Variants in CAPN9 observed in about 807,000 individuals in gnomAD.
The protein encoded by CAPN9 is calpain 9, also known as calpain-9.
A neutral mutation model predicts 92.8 loss-of-function variants in CAPN9; 81 were observed. The ratio of observed to expected loss-of-function variants is 0.87; its 90% confidence interval spans 0.73 to 1.05. CAPN9 has a LOEUF of 1.05. CAPN9 is among the 50% of genes least tolerant of loss of function. The pLI, the probability that CAPN9 is intolerant of heterozygous loss-of-function variation, is 0.00. For synonymous variants in CAPN9, 304 were observed against 328.0 expected (o/e 0.93, Z 0.79); for missense variants, 848 against 866.2 (o/e 0.98, Z 0.26).
intron 8 of CAPN9, chr1:230,776,674 T>G (rs949992019): frequency 2.0e-5 from 3 of 152,252 alleles, no homozygotes; most frequent in Non-Finnish European, 2.9e-5. Flanking sequence ...TGGGTGGCTC[T>G]GTTCATACAG....
intron 15 of CAPN9, 42 bp from the exon 16 acceptor site, chr1:230,792,384 G>C: frequency 6.3e-7 from 1 of 1,578,102 alleles, no homozygotes; most frequent in Non-Finnish European, 8.7e-7. Flanking sequence ...GGAGCCTCAG[G>C]TTGAAACACT....
At chr1:230,796,362 AT>A (rs1267657727) in intron 18 of CAPN9, among the ~76,000 whole-genome samples, 1 of 148,016 alleles carries the variant, frequency 6.8e-6, no homozygotes, top group African/African-American at 2.5e-5. Context: ...AAATAAATAA[AT>A]AAATAAATAA....
At chr1:230,763,984 CTG>C (rs1665807095) in intron 4 of CAPN9, among the ~76,000 whole-genome samples, 1 of 152,196 alleles carries the variant, frequency 6.6e-6, no homozygotes, top group African/African-American at 2.4e-5. Context: ...GCAACAGAAA[CTG>C]TGTGCCATCT....
chr1:230,796,161 T>G (rs28359732), intron 18 of CAPN9, among the ~76,000 whole-genome samples: 27,419 of 151,212 alleles, frequency 0.18, 2,688 homozygotes, highest in Non-Finnish European at 0.23. Context: ...TTGTCTCTAC[T>G]AAAAATACAA....
intron 11 of CAPN9, among the ~76,000 whole-genome samples, chr1:230,785,241 C>A (rs1399781653): frequency 1.3e-5 from 2 of 152,120 alleles, no homozygotes; most frequent in East Asian, 3.9e-4. Flanking sequence ...TCAGATGAGA[C>A]TTTGGACTTT....
At chr1:230,768,772 A>G (rs76133938) in intron 5 of CAPN9, among the ~76,000 whole-genome samples, 1 of 151,800 alleles carries the variant, frequency 6.6e-6, no homozygotes, top group East Asian at 1.9e-4. Flanking sequence ...TTTTTTGCTA[A>G]TGAATTAGCC....
chr1:230,769,295 G>A (rs1666226122), intron 6 of CAPN9, 32 bp downstream of exon 6: 2 of 1,452,696 alleles, frequency 1.4e-6, no homozygotes, highest in South Asian at 2.3e-5. Context: ...TGCAGGCTAT[G>A]GGGAGACATG....
In CAPN9 at chr1:230,792,464, A is replaced by G. The variant is rs765673325; in HGVS notation, c.1761A>G (p.Lys587=). The change falls in exon 16 of 20, where the codon AAA becomes AAG. Residue 587 remains lysine, a synonymous_variant. Coordinates refer to ENST00000271971, the MANE Select transcript of CAPN9 (RefSeq NM_006615.3). Reference sequence around the variant, plus strand: ...GGAAGCTGGAGTTTGATGAATTCAAAGTGTTCTGGGACAAGCTGAAGCAGT... The same window carrying G: ...GGAAGCTGGAGTTTGATGAATTCAAGGTGTTCTGGGACAAGCTGAAGCAGT... ...GNGKLEFDEF[K]VFWDKLKQWI... 1 of 1,613,992 alleles carries G rather than the reference A, an allele frequency of 6.2e-7. No individual in the cohort carries two copies. The highest frequency in any genetic ancestry group is 8.5e-7 in the Non-Finnish European group (1 of 1,179,970).
At chr1:230,775,632 C>T (rs1052941118) in intron 8 of CAPN9, among the ~76,000 whole-genome samples, 1 of 151,996 alleles carries the variant, frequency 6.6e-6, no homozygotes, top group Non-Finnish European at 1.5e-5. Context: ...TTTTAAAATA[C>T]AACAGCAGGG....
In CAPN9 at chr1:230,801,754, A is replaced by T; in HGVS notation, c.*158A>T. 1 of 703,064 alleles carries T rather than the reference A, an allele frequency of 1.4e-6. No individual in the cohort carries two copies. The allele number at this position is 703,064 out of a possible 1,614,324, so 43.6% of individuals were successfully genotyped here. A position where few individuals can be genotyped will look rare whatever the true frequency, so the allele number is the denominator to read the frequency against. ...TCTTGATCTGGGAAGAATGAAATGA[A>T]CTCAGCTACACTCTCTGATTTTGTG... On this transcript the variant is annotated 3_prime_UTR_variant, in exon 20 of 20. Coordinates refer to ENST00000271971, the MANE Select transcript of CAPN9 (RefSeq NM_006615.3).
intron 1 of CAPN9, 110 bp from the exon 2 acceptor site, chr1:230,755,227 G>A (rs769567168): frequency 2.4e-6 from 2 of 823,276 alleles, no homozygotes; most frequent in Non-Finnish European, 4.0e-6. Context: ...AAAGAATCAA[G>A]CACAGGGAAA....
intron 1 of CAPN9, among the ~76,000 whole-genome samples, chr1:230,751,611 G>C (rs201492172): frequency 1.8e-4 from 4 of 21,922 alleles, no homozygotes; most frequent in African/African-American, 7.8e-4. Flanking sequence ...GAAAGAAAGA[G>C]AAAGAAAGAA....
chr1:230,794,807 C>T (rs1668238772), intron 17 of CAPN9, among the ~76,000 whole-genome samples: 3 of 152,182 alleles, frequency 2.0e-5, no homozygotes, highest in African/African-American at 7.2e-5. Flanking sequence ...TCAGACACCA[C>T]CCAGTGTTAA....
At chr1:230,759,173 G>A (rs4333856) in intron 2 of CAPN9, among the ~76,000 whole-genome samples, 66,811 of 152,048 alleles carry the variant, frequency 0.44, 15,583 homozygotes, top group African/African-American at 0.62. Context: ...CGCCCAGCCC[G>A]TGCTGACACT....
At chr1:230,750,199 G>T (rs1006849965) in intron 1 of CAPN9, among the ~76,000 whole-genome samples, 4 of 152,140 alleles carry the variant, frequency 2.6e-5, no homozygotes, top group Admixed American at 2.0e-4. Flanking sequence ...CCCCTGCCAA[G>T]ATGCACCCCG....
Position 230,801,942 on chromosome 1 carries a change from C to G in CAPN9, c.*346C>G. The G allele has an allele frequency of 3.1e-6, 1 of 326,986 alleles. No homozygotes were observed. The highest frequency in any genetic ancestry group is 5.7e-6 in the Non-Finnish European group (1 of 176,508). 20.3% of individuals were successfully genotyped at this position (326,986 alleles called of 1,614,324 possible). ...GCACAGAATCCTGACTTCCATGTAG[C>G]TCCAGTCATTGTGATCAGACATCCT... On this transcript the variant is annotated 3_prime_UTR_variant, in exon 20 of 20. Transcript: ENST00000271971.
At chr1:230,772,458 CGTGTGTGTTTGTGT>C (rs1162550122) in intron 7 of CAPN9, among the ~76,000 whole-genome samples, 1 of 150,760 alleles carries the variant, frequency 6.6e-6, no homozygotes, top group African/African-American at 2.5e-5. Context: ...TGCATAAGTG[CGTGTGTGTTTGTGT>C]GTGTGTGTGT....
Position 230,780,626 on chromosome 1 carries a change from A to G in CAPN9, c.1399A>G (p.Ile467Val). The change falls in exon 11 of 20, where the codon ATC (isoleucine) becomes GTC (valine). Residue 467 changes from isoleucine to valine, a missense_variant. Physicochemically the swap from Ile to Val is conservative, Grantham distance 29. Coordinates refer to ENST00000271971, the MANE Select transcript of CAPN9 (RefSeq NM_006615.3). ...DRFKLPPGEY[I>V]LIPSTFEPHQ... Reference sequence around the variant, plus strand: ...GTTCAAGCTGCCCCCTGGGGAGTACATCCTGATTCCCAGCACTTTTGAGCC... The same window carrying G: ...GTTCAAGCTGCCCCCTGGGGAGTACGTCCTGATTCCCAGCACTTTTGAGCC... 6.2e-7 allele frequency: 1 copy of G among 1,614,148 alleles called. No individual in the cohort carries two copies. Among genetic ancestry groups the G allele is most frequent in the South Asian group, 1.1e-5 (1 of 91,084 alleles).
At chr1:230,781,575 C>A (rs537820297) in intron 11 of CAPN9, among the ~76,000 whole-genome samples, 5 of 152,298 alleles carry the variant, frequency 3.3e-5, no homozygotes, top group Admixed American at 2.6e-4. Context: ...CCATTACTGC[C>A]CATTCACCAT....
Sources: gnomAD v4.1 joint callset for allele counts (sites outside exome capture counted in the v4.1 genomes callset) on GRCh38, gnomAD v4.1.1 for gene constraint, MANE v1.5 for transcripts, NCBI Gene and HGNC (gene_info 2026-07-23, HGNC 2026-07-21) for gene names.